The following RNF6 variants were observed in gnomAD, a reference collection of about 807,000 sequenced individuals.
RNF6 encodes the protein E3 ubiquitin-protein ligase RNF6.
RNF6 carries 21 observed loss-of-function variants against 50.1 expected under a neutral mutation model. That is an observed-to-expected ratio of 0.42 (90% CI 0.30 to 0.60). RNF6 has a LOEUF of 0.60. Ranked by LOEUF, RNF6 falls within the 20% of genes least tolerant of loss-of-function variation. The pLI is 0.20. For synonymous variants in RNF6, 255 were observed against 291.8 expected (o/e 0.87, Z 1.29); for missense variants, 698 against 838.2 (o/e 0.83, Z 2.07).
intron 5 of RNF6, among the ~76,000 whole-genome samples, chr13:26,141,117 G>A (rs1870920055): frequency 6.6e-6 from 1 of 152,024 alleles, no homozygotes; most frequent in African/African-American, 2.4e-5. Flanking sequence ...CACGGAATTA[G>A]AAAAAACTAT....
At chr13:26,177,942 T>G (rs975422947) in intron 5 of RNF6, among the ~76,000 whole-genome samples, 1 of 152,182 alleles carries the variant, frequency 6.6e-6, no homozygotes, top group Non-Finnish European at 1.5e-5. Context: ...TCCCAGCACT[T>G]TGGGAGGCCA....
At chr13:26,162,484 G>C (rs963209973) in intron 5 of RNF6, among the ~76,000 whole-genome samples, 1 of 152,212 alleles carries the variant, frequency 6.6e-6, no homozygotes. Flanking sequence ...CTGTCTCCCA[G>C]TGCCTCTCCT....
chr13:26,194,214 A>C (rs919366173), intron 5 of RNF6, among the ~76,000 whole-genome samples: 11 of 152,148 alleles, frequency 7.2e-5, no homozygotes, highest in African/African-American at 2.7e-4. Context: ...CATCAAATTA[A>C]ATTTTAACAG....
intron 5 of RNF6, among the ~76,000 whole-genome samples, chr13:26,139,457 T>G (rs1870821255): frequency 6.6e-6 from 1 of 152,152 alleles, no homozygotes; most frequent in African/African-American, 2.4e-5. Context: ...TCTCAGAATA[T>G]TGTTATAAAT....
chr13:26,170,686 A>G (rs1248130125), intron 5 of RNF6, among the ~76,000 whole-genome samples: 2 of 152,184 alleles, frequency 1.3e-5, no homozygotes, highest in African/African-American at 4.8e-5. Flanking sequence ...CTAATATCCT[A>G]GCTCACACAC....
chr13:26,191,930 G>A (rs1477530413), intron 5 of RNF6, among the ~76,000 whole-genome samples: 1 of 152,190 alleles, frequency 6.6e-6, no homozygotes, highest in African/African-American at 2.4e-5. Flanking sequence ...AGGTGAAGAA[G>A]TTGGCCATGC....
At chr13:26,170,630 A>G (rs962131786) in intron 5 of RNF6, among the ~76,000 whole-genome samples, 10 of 152,202 alleles carry the variant, frequency 6.6e-5, no homozygotes, top group Non-Finnish European at 1.5e-5. Flanking sequence ...CCAGAGGGAA[A>G]GTTGCTGGTA....
chr13:26,144,295 G>A (rs890156795), intron 5 of RNF6, among the ~76,000 whole-genome samples: 4 of 152,052 alleles, frequency 2.6e-5, no homozygotes, highest in South Asian at 2.1e-4. Flanking sequence ...TGATATCTAC[G>A]CAATGGGTCA....
At chr13:26,146,510 T>G (rs1871252530) in intron 5 of RNF6, among the ~76,000 whole-genome samples, 1 of 152,204 alleles carries the variant, frequency 6.6e-6, no homozygotes, top group South Asian at 2.1e-4. Context: ...CTCACAATTT[T>G]ATTTCTCACA....
At chr13:26,132,553 C>A in intron 5 of RNF6, 1 of 393,854 alleles carries the variant, frequency 2.5e-6, no homozygotes, top group South Asian at 1.9e-5. Context: ...ATGATAGTAT[C>A]TAAAAATGTA....
chr13:26,219,347 T>C lies in RNF6; in HGVS notation c.193+110A>G, dbSNP rs575823491. The stretch of plus-strand genomic sequence containing the variant: ...TCTTAAACTCACAAAAACAATATAC[T>C]ATATTTTCATAAAGAGAAGCAAGGA... On this transcript the variant is annotated intron_variant, in intron 3 of 4. Coordinates refer to ENST00000381588, the MANE Select transcript of RNF6 (RefSeq NM_005977.4). The C allele has an allele frequency of 7.6e-6, 7 of 921,458 alleles. No homozygotes were observed. In the East Asian group the frequency reaches 1.1e-4, roughly 14 times the overall value. 57.1% of individuals were successfully genotyped at this position (921,458 alleles called of 1,614,324 possible). A position where few individuals can be genotyped will look rare whatever the true frequency, so the allele number is the denominator to read the frequency against.
intron 5 of RNF6, among the ~76,000 whole-genome samples, chr13:26,152,272 C>T (rs1383824661): frequency 6.6e-6 from 1 of 152,130 alleles, no homozygotes; most frequent in Non-Finnish European, 1.5e-5. Flanking sequence ...TCCCACTGTC[C>T]CCTTGGTTCC....
At chr13:26,144,039 C>T (rs1871101523) in intron 5 of RNF6, among the ~76,000 whole-genome samples, 1 of 152,132 alleles carries the variant, frequency 6.6e-6, no homozygotes. Context: ...TGTAATCAAC[C>T]TGCCACTAAG....
chr13:26,200,526 C>T (rs1868859054), intron 5 of RNF6, among the ~76,000 whole-genome samples: 1 of 151,928 alleles, frequency 6.6e-6, no homozygotes, highest in Admixed American at 6.6e-5. Context: ...TCTCCTGCCT[C>T]AGCCATGTAG....
chr13:26,189,110 C>T (rs1261351235), intron 5 of RNF6, among the ~76,000 whole-genome samples: 1 of 151,998 alleles, frequency 6.6e-6, no homozygotes, highest in African/African-American at 2.4e-5. Flanking sequence ...AGGTGGATCA[C>T]CTGAGGTCAG....
rs1869684514 is a variant in RNF6 at position 26,214,850 on chromosome 13, TCTC to T, written c.1029_1031del (p.Arg344del). 6.2e-7 allele frequency: 1 copy of T among 1,614,230 alleles called. No homozygotes were observed. Among genetic ancestry groups the T allele is most frequent in the Non-Finnish European group, 8.5e-7 (1 of 1,180,038 alleles). ...GCTCTAAAAAGACTCGAGTTCTACCTCTCCTCCTAACAGATCTTCTAGTGGTTT... is the reference window on the plus strand; with the variant it reads ...GCTCTAAAAAGACTCGAGTTCTACCTCTCCTAACAGATCTTCTAGTGGTTT... On this transcript the variant is annotated inframe_deletion, in exon 5 of 5. Transcript: ENST00000381588.
chr13:26,175,847 T>C (rs1264387726), intron 5 of RNF6, among the ~76,000 whole-genome samples: 1 of 152,126 alleles, frequency 6.6e-6, no homozygotes, highest in Non-Finnish European at 1.5e-5. Context: ...ATGCCTGATT[T>C]TTTTATGATT....
intron 5 of RNF6, among the ~76,000 whole-genome samples, chr13:26,184,632 C>T (rs368895189): frequency 6.6e-6 from 1 of 152,138 alleles, no homozygotes; most frequent in Non-Finnish European, 1.5e-5. Flanking sequence ...GTTACAGAGA[C>T]GAACATTCAG....
At chr13:26,191,750 C>T (rs1390132213) in intron 5 of RNF6, among the ~76,000 whole-genome samples, 1 of 152,130 alleles carries the variant, frequency 6.6e-6, no homozygotes, top group Non-Finnish European at 1.5e-5. Context: ...ATCACTCAGT[C>T]TCAGGTAGTT....
Sources: allele counts gnomAD v4.1 joint callset (sites outside exome capture counted in the v4.1 genomes callset), GRCh38; gene constraint gnomAD v4.1.1; transcripts MANE v1.5; gene names NCBI Gene and HGNC (gene_info 2026-07-23, HGNC 2026-07-21).